ARHGAP8: variants seen among roughly 807,000 people sequenced by gnomAD.
ARHGAP8 encodes the protein rho GTPase-activating protein 8.
Under a neutral mutation model 46.1 loss-of-function variants are expected in ARHGAP8, and 62 were observed. The ratio of observed to expected loss-of-function variants is 1.34; its 90% CI spans 1.10 to 1.66. The LOEUF (loss-of-function observed/expected upper bound fraction) is 1.66. Among genes scored for constraint, ARHGAP8 ranks in the 40% most tolerant of loss-of-function variants. The pLI, the probability that ARHGAP8 is intolerant of heterozygous loss-of-function variation, is 0.00. For synonymous variants in ARHGAP8, 375 were observed against 243.1 expected (o/e 1.54, Z -5.05); for missense variants, 923 against 568.4 (o/e 1.62, Z -6.34).
chr22:44,790,246 G>A (rs1182891975), intron 2 of ARHGAP8, among the ~76,000 whole-genome samples: 1 of 152,142 alleles, frequency 6.6e-6, no homozygotes, highest in Non-Finnish European at 1.5e-5. Flanking sequence ...GGGATGCAGA[G>A]GAGGGCATGG....
At chr22:44,781,579 G>T (rs758945775) in intron 1 of ARHGAP8, among the ~76,000 whole-genome samples, 1 of 151,844 alleles carries the variant, frequency 6.6e-6, no homozygotes, top group Non-Finnish European at 1.5e-5. Context: ...GCTGGAGTGC[G>T]ATGGCGCGAT....
intron 1 of ARHGAP8, among the ~76,000 whole-genome samples, chr22:44,770,322 A>G (rs1214406921): frequency 6.6e-6 from 1 of 152,094 alleles, no homozygotes; most frequent in Non-Finnish European, 1.5e-5. Flanking sequence ...GGTGGGGGCT[A>G]CAGGACCAGA....
At chr22:44,860,066 A>G (rs1020129544) in intron 11 of ARHGAP8, among the ~76,000 whole-genome samples, 2 of 151,620 alleles carry the variant, frequency 1.3e-5, no homozygotes, top group Admixed American at 1.3e-4. Flanking sequence ...CTGCTCCTGT[A>G]CCTGCTGTCC....
chr22:44,776,852 C>G (rs1205068856), intron 1 of ARHGAP8, among the ~76,000 whole-genome samples: 1 of 152,078 alleles, frequency 6.6e-6, no homozygotes, highest in African/African-American at 2.4e-5. Flanking sequence ...CTCACCCCTC[C>G]TTCCACTGGG....
chr22:44,781,875 C>T (rs975292020), intron 1 of ARHGAP8, among the ~76,000 whole-genome samples: 8 of 152,154 alleles, frequency 5.3e-5, no homozygotes, highest in African/African-American at 1.7e-4. Context: ...TGCTGTGTTG[C>T]CCAGGCTGGA....
At chr22:44,797,072 G>A (rs1195773935) in intron 2 of ARHGAP8, among the ~76,000 whole-genome samples, 4 of 152,128 alleles carry the variant, frequency 2.6e-5, no homozygotes, top group Non-Finnish European at 5.9e-5. Context: ...GGCAGGGGCC[G>A]TGTCTCATCT....
chr22:44,794,251 T>C (rs1927916069), intron 2 of ARHGAP8, among the ~76,000 whole-genome samples: 1 of 152,182 alleles, frequency 6.6e-6, no homozygotes, highest in Non-Finnish European at 1.5e-5. Flanking sequence ...TGCAGGTTAT[T>C]GATTTAACCC....
chr22:44,766,638 G>T (rs972430303), intron 1 of ARHGAP8, among the ~76,000 whole-genome samples: 5 of 152,136 alleles, frequency 3.3e-5, no homozygotes, highest in African/African-American at 1.2e-4. Context: ...CCAAGACCCC[G>T]CCTGCCTGTC....
chr22:44,830,516 ATTT>A (rs942474782), intron 7 of ARHGAP8, among the ~76,000 whole-genome samples: 3 of 148,688 alleles, frequency 2.0e-5, no homozygotes, highest in Admixed American at 2.0e-4. Context: ...TTGCATTTTT[ATTT>A]TTTATTTTCT....
At chr22:44,780,530 C>T (rs1433364584) in intron 1 of ARHGAP8, among the ~76,000 whole-genome samples, 2 of 148,568 alleles carry the variant, frequency 1.3e-5, no homozygotes, top group Admixed American at 6.7e-5. Flanking sequence ...GACATGGTGG[C>T]GGGCGCCTGT....
chr22:44,850,739 G>A (rs562814435), intron 10 of ARHGAP8: 9 of 152,160 alleles, frequency 5.9e-5, no homozygotes, highest in African/African-American at 2.2e-4. Flanking sequence ...GCTGAGTTGG[G>A]TGGATCACTT....
intron 5 of ARHGAP8, among the ~76,000 whole-genome samples, chr22:44,818,442 T>A (rs1929900400): frequency 9.8e-6 from 1 of 102,550 alleles, no homozygotes; most frequent in Non-Finnish European, 1.7e-5. Flanking sequence ...AGAGTGAGAC[T>A]CCAGTCTCAA....
At chr22:44,799,084 A>G (rs565261176) in intron 2 of ARHGAP8, among the ~76,000 whole-genome samples, 1 of 152,230 alleles carries the variant, frequency 6.6e-6, no homozygotes, top group Admixed American at 6.5e-5. Context: ...GGGGGCCCCC[A>G]AGGTCTCCTG....
At chr22:44,806,684 G>A (rs1928943477) in intron 3 of ARHGAP8, among the ~76,000 whole-genome samples, 1 of 152,126 alleles carries the variant, frequency 6.6e-6, no homozygotes, top group Non-Finnish European at 1.5e-5. Flanking sequence ...GCCGGGCACG[G>A]TGGCTCATGC....
intron 1 of ARHGAP8, among the ~76,000 whole-genome samples, chr22:44,772,650 G>T (rs540385229): frequency 3.3e-5 from 5 of 151,912 alleles, no homozygotes; most frequent in African/African-American, 4.8e-5. Flanking sequence ...TTCTTGTATT[G>T]TCTTTGGTTT....
intron 1 of ARHGAP8, among the ~76,000 whole-genome samples, chr22:44,783,753 A>C (rs1210196342): frequency 1.3e-5 from 2 of 152,198 alleles, no homozygotes; most frequent in African/African-American, 2.4e-5. Flanking sequence ...GGCTGAGGTC[A>C]AGGCGTTGGC....
intron 10 of ARHGAP8, among the ~76,000 whole-genome samples, chr22:44,858,282 T>G (rs1292550567): frequency 2.0e-5 from 3 of 151,950 alleles, no homozygotes; most frequent in Admixed American, 1.3e-4. Flanking sequence ...AGCATAGGCA[T>G]GCATGTGGCT....
chr22:44,762,898 G>A (rs1281580888), intron 1 of ARHGAP8, among the ~76,000 whole-genome samples: 1 of 152,114 alleles, frequency 6.6e-6, no homozygotes, highest in Non-Finnish European at 1.5e-5. Context: ...GTGACTCAAG[G>A]AGGGGCCTAG....
intron 10 of ARHGAP8, chr22:44,849,294 C>T: frequency 1.4e-6 from 1 of 693,524 alleles, no homozygotes; most frequent in African/African-American, 1.8e-5. Flanking sequence ...GTTGTCCAGG[C>T]CGGTCTCTCA....
Sources: gnomAD v4.1 joint callset for allele counts (sites outside exome capture counted in the v4.1 genomes callset) on GRCh38, gnomAD v4.1.1 for gene constraint, MANE v1.5 for transcripts, NCBI Gene and HGNC (gene_info 2026-07-23, HGNC 2026-07-21) for gene names.